Variants in ANO5 observed in about 807,000 individuals in gnomAD.
ANO5 encodes the protein anoctamin 5.
In ANO5, 109 loss-of-function variants were observed where a neutral mutation model predicts 121.0. The observed-to-expected ratio is 0.90, with a 90% CI of 0.77 to 1.06. The LOEUF (loss-of-function observed/expected upper bound fraction) is 1.06. Among genes scored for constraint, ANO5 ranks in the 50% least tolerant of loss-of-function variants. ANO5 has a pLI of 0.00. For synonymous variants in ANO5, 406 were observed against 359.9 expected, an observed-to-expected ratio of 1.13 and a Z score of -1.45; for missense variants, 1,064 against 1,078.5, an observed-to-expected ratio of 0.99 and a Z score of 0.19.
Position 22,250,226 on chromosome 11 carries a change from C to G in ANO5, c.879-11C>G. The G allele has an allele frequency of 1.3e-6, 2 of 1,567,422 alleles. No individual in the cohort carries two copies. Among genetic ancestry groups the G allele is most frequent in the Non-Finnish European group, 1.8e-6 (2 of 1,141,196 alleles). ...TCCATATTCTGATTCTGTTTTTACT[C>G]TTTTTCACAGGAATTATTATGGAGA... On this transcript the variant is annotated splice_polypyrimidine_tract_variant and intron_variant, in intron 9 of 21. Coordinates refer to ENST00000324559, the MANE Select transcript of ANO5 (RefSeq NM_213599.3).
chr11:22,250,335 T>C lies in ANO5; in HGVS notation c.977T>C (p.Ile326Thr). 2.5e-6 allele frequency: 4 copies of C among 1,613,530 alleles called. No homozygotes were observed. The highest frequency in any genetic ancestry group is 3.4e-6 in the Non-Finnish European group (4 of 1,179,690). Residue 326 changes from isoleucine to threonine, a missense_variant, in exon 10 of 22, where the codon ATT (isoleucine) becomes ACT (threonine). By Grantham distance (89) the Ile-to-Thr change is moderately conservative (BLOSUM62 -1). Transcript: ENST00000324559. Reference sequence around the variant, plus strand: ...GCTGTAGTTGGCTTAGCTTGTTTTATTTATGGCTTATTATCAATGGAACAT... The same window carrying C: ...GCTGTAGTTGGCTTAGCTTGTTTTACTTATGGCTTATTATCAATGGAACAT... Reference protein sequence around the residue: ...FAAVVGLACFIYGLLSMEHNT... With the variant: ...FAAVVGLACFTYGLLSMEHNT...
chr11:22,256,183 T>C (rs1590293894), intron 13 of ANO5, among the ~76,000 whole-genome samples: 1 of 152,236 alleles, frequency 6.6e-6, no homozygotes, highest in East Asian at 1.9e-4. Context: ...CATGTGAAAA[T>C]GGAAGTGCTT....
At chr11:22,227,868 G>C (rs2133614369) in intron 7 of ANO5, among the ~76,000 whole-genome samples, 1 of 152,182 alleles carries the variant, frequency 6.6e-6, no homozygotes, top group East Asian at 1.9e-4. Flanking sequence ...TTGAGAGCTA[G>C]AGGACTTTGA....
chr11:22,277,405 A>G (rs1854902405), intron 21 of ANO5, among the ~76,000 whole-genome samples: 1 of 151,642 alleles, frequency 6.6e-6, no homozygotes, highest in South Asian at 2.1e-4. Flanking sequence ...AGTGTTTGAT[A>G]CAGAGTGCCA....
rs926233739 is a variant in ANO5, at chr11:22,272,871, G to T, written c.2117G>T (p.Arg706Leu). 1.2e-6 allele frequency: 2 copies of T among 1,613,858 alleles called. No homozygotes were observed. The highest frequency in any genetic ancestry group is 1.7e-6 in the Non-Finnish European group (2 of 1,179,966). Residue 706 changes from arginine to leucine, a missense_variant, in exon 19 of 22, where the codon CGA (arginine) becomes CTA (leucine). By Grantham distance (102) the Arg-to-Leu change is moderately radical. Coordinates refer to ENST00000324559, the MANE Select transcript of ANO5 (RefSeq NM_213599.3). ...CTCATAAATAATATTGTAGAGATTCGAGTGGATGCCTGGAAACTTACCACT... is the reference window on the plus strand; with the variant it reads ...CTCATAAATAATATTGTAGAGATTCTAGTGGATGCCTGGAAACTTACCACT... ...LALINNIVEIRVDAWKLTTQY... is the reference protein window; with the variant it reads ...LALINNIVEILVDAWKLTTQY...
chr11:22,256,661 G>A (rs1378381621), intron 13 of ANO5, among the ~76,000 whole-genome samples: 1 of 152,198 alleles, frequency 6.6e-6, no homozygotes, highest in African/African-American at 2.4e-5. Context: ...AAAGCCATAT[G>A]TATTGATTCA....
Position 22,279,683 on chromosome 11 carries a change from A to G in ANO5, c.2660A>G (p.Asn887Ser). Reference sequence around the variant, plus strand: ...TTTGAGCTCAACAAATTAAAAGAGAACTTGGGAATTAATTCTAATGAATTT... The same window carrying G: ...TTTGAGCTCAACAAATTAAAAGAGAGCTTGGGAATTAATTCTAATGAATTT... Reference protein sequence around the residue: ...HDFELNKLKENLGINSNEFAK... With the variant: ...HDFELNKLKESLGINSNEFAK... The change falls in exon 22 of 22, where the codon AAC becomes AGC. Residue 887 changes from asparagine (N) to serine (S), a missense_variant. Transcript: ENST00000324559. The G allele has an allele frequency of 6.2e-7, 1 of 1,612,910 alleles. No homozygotes were observed. The highest frequency in any genetic ancestry group is 1.3e-5 in the African/African-American group (1 of 74,976).
At chr11:22,234,277 A>G (rs943134883) in intron 7 of ANO5, among the ~76,000 whole-genome samples, 6 of 152,104 alleles carry the variant, frequency 3.9e-5, no homozygotes, top group South Asian at 2.1e-4. Flanking sequence ...ATTGATGTGC[A>G]TGGTCTGCTG....
chr11:22,200,227 T>C (rs1406441553), intron 1 of ANO5, among the ~76,000 whole-genome samples: 4 of 152,164 alleles, frequency 2.6e-5, no homozygotes, highest in African/African-American at 9.6e-5. Context: ...TCATTGGCAA[T>C]AAATACTGTC....
In ANO5 at chr11:22,237,242, A is replaced by G. The variant is rs1329155079; in HGVS notation, c.762+966A>G. ...AGTAATAGAAGAAACAAATATTTCA[A>G]TTGAAACAAGTGGCAGCTAAATAAT... On this transcript the variant is annotated intron_variant, in intron 8 of 21. Coordinates refer to ENST00000324559, the MANE Select transcript of ANO5 (RefSeq NM_213599.3). Among the ~76,000 whole-genome samples the G allele has an allele frequency of 2.6e-5, 4 of 152,282 alleles. No individual in the cohort carries two copies. In the East Asian group the frequency reaches 5.8e-4, roughly 22 times the overall value.
intron 1 of ANO5, among the ~76,000 whole-genome samples, chr11:22,197,058 T>C (rs10833718): frequency 0.32 from 48,360 of 152,110 alleles, 9,844 homozygotes; most frequent in Middle Eastern, 0.48. Flanking sequence ...CTTGATTTTG[T>C]ATGTGCTTTC....
chr11:22,268,512 C>T (rs1222402635), intron 17 of ANO5, among the ~76,000 whole-genome samples: 1 of 152,080 alleles, frequency 6.6e-6, no homozygotes, highest in African/African-American at 2.4e-5. Context: ...AATATTGTTT[C>T]TACTCATTTT....
chr11:22,233,976 A>G (rs1853132073), intron 7 of ANO5, among the ~76,000 whole-genome samples: 1 of 151,930 alleles, frequency 6.6e-6, no homozygotes, highest in Non-Finnish European at 1.5e-5. Context: ...TCTTCAGGAT[A>G]ACACTGGCAA....
rs1852036197 is a variant in ANO5, at chr11:22,203,846, G to A, written c.83G>A (p.Ser28Asn). The change falls in exon 2 of 22, where the codon AGT (serine) becomes AAT (asparagine). Residue 28 changes from serine to asparagine, a missense_variant. Coordinates refer to ENST00000324559, the MANE Select transcript of ANO5 (RefSeq NM_213599.3). ...NKHIDYSFQM[S>N]EQSLSSRETS... Reference sequence around the variant, plus strand: ...CATATAGACTACTCTTTCCAAATGAGTGAGGTAAGTTAAATATATATGCAT... The same window carrying A: ...CATATAGACTACTCTTTCCAAATGAATGAGGTAAGTTAAATATATATGCAT... The A allele has an allele frequency of 6.8e-7, 1 of 1,470,856 alleles. No individual in the cohort carries two copies. Among genetic ancestry groups the A allele is most frequent in the Non-Finnish European group, 9.5e-7 (1 of 1,056,460 alleles). 91.1% of individuals were successfully genotyped at this position (1,470,856 alleles called of 1,614,324 possible).
chr11:22,194,805 T>C (rs754007135), intron 1 of ANO5, among the ~76,000 whole-genome samples: 2 of 152,250 alleles, frequency 1.3e-5, no homozygotes. Context: ...TATTCCGTTG[T>C]AGAGATATAG....
chr11:22,201,533 T>G (rs1851963548), intron 1 of ANO5, among the ~76,000 whole-genome samples: 1 of 152,080 alleles, frequency 6.6e-6, no homozygotes. Context: ...AGTGTGTTAT[T>G]CCCTTTTGTG....
At chr11:22,220,106 G>C (rs1432549200) in intron 4 of ANO5, among the ~76,000 whole-genome samples, 3 of 151,634 alleles carry the variant, frequency 2.0e-5, no homozygotes, top group Admixed American at 6.6e-5. Context: ...TGTCTCACCT[G>C]ACTTGGGTAA....
intron 9 of ANO5, among the ~76,000 whole-genome samples, chr11:22,246,298 G>C (rs1853611943): frequency 6.6e-6 from 1 of 152,086 alleles, no homozygotes; most frequent in Non-Finnish European, 1.5e-5. Flanking sequence ...TATTTTAGCT[G>C]TGTTTCTTTA....
chr11:22,192,696 G>A (rs898667783), upstream of ANO5, among the ~76,000 whole-genome samples: 1 of 152,216 alleles, frequency 6.6e-6, no homozygotes, highest in Non-Finnish European at 1.5e-5. Flanking sequence ...GACCCCCTTT[G>A]GGGATCGGAG....
Sources: gnomAD v4.1 joint callset for allele counts (sites outside exome capture counted in the v4.1 genomes callset) on GRCh38, gnomAD v4.1.1 for gene constraint, MANE v1.5 for transcripts, NCBI Gene and HGNC (gene_info 2026-07-23, HGNC 2026-07-21) for gene names.